The following TTC23 variants were observed in gnomAD, a reference collection of about 807,000 sequenced individuals.
TTC23 encodes tetratricopeptide repeat protein 23.
TTC23 carries 58 observed loss-of-function variants against 55.1 expected under a neutral mutation model. The observed-to-expected ratio is 1.05, with a 90% confidence interval of 0.85 to 1.31. TTC23 has a LOEUF of 1.31. TTC23 is among the 50% of genes most tolerant of loss of function. The probability of loss-of-function intolerance (pLI) is 0.00; values close to 1 mark genes in which losing one functional copy is unlikely to be tolerated. For missense variants in TTC23, 516 were observed against 534.4 expected, an observed-to-expected ratio of 0.97 and a Z score of 0.34; for synonymous variants, 203 against 199.9, an observed-to-expected ratio of 1.02 and a Z score of -0.13.
intron 5 of TTC23, among the ~76,000 whole-genome samples, chr15:99,224,763 T>TA (rs1207080014): frequency 6.6e-6 from 1 of 152,246 alleles, no homozygotes; most frequent in Admixed American, 6.5e-5. Context: ...AAATGCCCCT[T>TA]ACGTTGAACT....
At chr15:99,204,901 G>A (rs2076495872) in intron 8 of TTC23, among the ~76,000 whole-genome samples, 1 of 152,132 alleles carries the variant, frequency 6.6e-6, no homozygotes, top group African/African-American at 2.4e-5. Context: ...CTCCCAAAGT[G>A]CTGGGACTAC....
chr15:99,234,148 G>C (rs1355993356), intron 4 of TTC23, among the ~76,000 whole-genome samples: 1 of 152,006 alleles, frequency 6.6e-6, no homozygotes, highest in African/African-American at 2.4e-5. Context: ...CCACCAAAAA[G>C]AATCATTAAA....
At chr15:99,148,143 A>G (rs1200733306) in intron 12 of TTC23, among the ~76,000 whole-genome samples, 2 of 151,874 alleles carry the variant, frequency 1.3e-5, no homozygotes, top group African/African-American at 4.8e-5. Flanking sequence ...CAGGTGGATC[A>G]TGAGGTCAGG....
chr15:99,194,469 C>G (rs751386226), intron 9 of TTC23, among the ~76,000 whole-genome samples: 25 of 142,038 alleles, frequency 1.8e-4, no homozygotes, highest in Admixed American at 6.8e-4. Context: ...GTCCACTGAT[C>G]TTTGGCAAAG....
intron 4 of TTC23, among the ~76,000 whole-genome samples, chr15:99,232,476 C>T (rs1400141194): frequency 1.4e-5 from 2 of 145,854 alleles, no homozygotes; most frequent in East Asian, 4.0e-4. Flanking sequence ...GAGACTCCAT[C>T]TCAAAAAAAA....
chr15:99,150,804 GC>G (rs1242019575), intron 12 of TTC23, among the ~76,000 whole-genome samples: 5 of 152,178 alleles, frequency 3.3e-5, no homozygotes, highest in Non-Finnish European at 7.3e-5. Context: ...TCAGGTCTCA[GC>G]CCCTTCACCT....
chr15:99,199,031 GC>G (rs1237674203), intron 9 of TTC23, among the ~76,000 whole-genome samples: 9 of 152,162 alleles, frequency 5.9e-5, no homozygotes, highest in Non-Finnish European at 1.3e-4. Flanking sequence ...CTGGTCAAAC[GC>G]TAGTCTAGGT....
At chr15:99,192,783 C>A (rs1299095459) in intron 9 of TTC23, among the ~76,000 whole-genome samples, 1 of 152,186 alleles carries the variant, frequency 6.6e-6, no homozygotes, top group African/African-American at 2.4e-5. Context: ...AATAGTAGAT[C>A]CATTGACAGT....
intron 4 of TTC23, among the ~76,000 whole-genome samples, chr15:99,231,815 G>A (rs571482008): frequency 6.0e-5 from 9 of 149,718 alleles, no homozygotes; most frequent in African/African-American, 9.9e-5. Context: ...GTTTTGAGAC[G>A]GAGTTTCACT....
At chr15:99,146,470 G>C (rs1180921112) in intron 12 of TTC23, among the ~76,000 whole-genome samples, 1 of 152,244 alleles carries the variant, frequency 6.6e-6, no homozygotes, top group Non-Finnish European at 1.5e-5. Flanking sequence ...TTATGTAATA[G>C]GAGCTTTTGC....
At chr15:99,229,052 AGCCTAG>A in intron 4 of TTC23, among the ~76,000 whole-genome samples, 2 of 151,910 alleles carry the variant, frequency 1.3e-5, no homozygotes, top group African/African-American at 4.8e-5. Flanking sequence ...AGTAGAAATT[AGCCTAG>A]CACATACATA....
rs1449341439 is a variant in TTC23 at position 99,136,498 on chromosome 15, C to G, written c.*1512G>C. ...TCATTTCCTGGTGAGGGCTCTCTTC[C>G]GGGCCTGCAGACGGCTGTCTTCTCA... On this transcript the variant is annotated 3_prime_UTR_variant, in exon 14 of 14. Transcript: ENST00000394132. The G allele has an allele frequency of 6.6e-6, 1 of 152,236 alleles. No homozygotes were observed. The highest frequency in any genetic ancestry group is 1.5e-5 in the Non-Finnish European group (1 of 68,066). The allele number at this position is 152,236 out of a possible 1,614,324, so 9.4% of individuals were successfully genotyped here. A position where few individuals can be genotyped will look rare whatever the true frequency, so the allele number is the denominator to read the frequency against.
chr15:99,236,931 C>A (rs2079369549), intron 3 of TTC23, among the ~76,000 whole-genome samples: 1 of 150,144 alleles, frequency 6.7e-6, no homozygotes, highest in Non-Finnish European at 1.5e-5. Context: ...CTGACAGTTT[C>A]TTACTAAGTT....
At chr15:99,205,953 T>C (rs2076594498) in intron 8 of TTC23, among the ~76,000 whole-genome samples, 2 of 152,210 alleles carry the variant, frequency 1.3e-5, no homozygotes, top group African/African-American at 2.4e-5. Flanking sequence ...GTTTGTCATA[T>C]ATGGCTTTTA....
chr15:99,161,838 T>TG lies in TTC23; in HGVS notation c.894dup (p.Met299HisfsTer5). On this transcript the variant is annotated frameshift_variant, in exon 11 of 14. Transcript: ENST00000394132. LOFTEE classifies it high-confidence loss of function. The stretch of plus-strand genomic sequence containing the variant: ...CCTTCAGAATCCTTAAGATGAGCCA[T>TG]GCTCTCTTGAAAATACTGCTCAGCT... The TG allele has an allele frequency of 6.2e-7, 1 of 1,611,656 alleles. No homozygotes were observed. Among genetic ancestry groups the TG allele is most frequent in the African/African-American group, 1.3e-5 (1 of 74,926 alleles).
intron 12 of TTC23, among the ~76,000 whole-genome samples, chr15:99,149,942 T>C (rs1555496044): frequency 6.6e-6 from 1 of 152,192 alleles, no homozygotes; most frequent in Non-Finnish European, 1.5e-5. Flanking sequence ...CCCCCCTCTA[T>C]TCTGAGGTCC....
At chr15:99,250,768 CT>C (rs1213380771), upstream of TTC23, among the ~76,000 whole-genome samples, 1 of 152,164 alleles carries the variant, frequency 6.6e-6, no homozygotes, top group Non-Finnish European at 1.5e-5. Flanking sequence ...TTTTAGCAAT[CT>C]TTACTCAAAA....
chr15:99,139,519 A>G (rs1447902685), intron 12 of TTC23, 120 bp from the exon 13 acceptor site: 23 of 1,554,506 alleles, frequency 1.5e-5, no homozygotes, highest in Non-Finnish European at 2.0e-5. Context: ...TGATGGAATT[A>G]GCATGCTCCT....
chr15:99,225,254 T>A (rs1215001397), intron 5 of TTC23, among the ~76,000 whole-genome samples: 2 of 152,224 alleles, frequency 1.3e-5, no homozygotes, highest in Admixed American at 6.5e-5. Context: ...ATATCCCTAT[T>A]GGTTTTCCAA....
Sources: allele counts gnomAD v4.1 joint callset (sites outside exome capture counted in the v4.1 genomes callset), GRCh38; gene constraint gnomAD v4.1.1; transcripts MANE v1.5; gene names NCBI Gene and HGNC (gene_info 2026-07-23, HGNC 2026-07-21).